Variants in NRG1 observed in about 807,000 individuals in gnomAD.
NRG1 encodes pro-neuregulin-1, membrane-bound isoform.
Under a neutral mutation model 63.8 loss-of-function variants are expected in NRG1, and 18 were observed. That is an observed-to-expected ratio of 0.28 (90% confidence interval 0.19 to 0.42). The LOEUF (loss-of-function observed/expected upper bound fraction) is 0.42. NRG1 is among the 10% of genes least tolerant of loss of function. NRG1 has a pLI of 1.00. For missense variants in NRG1, 762 were observed against 814.7 expected (o/e 0.94, Z 0.79); for synonymous variants, 302 against 301.3 (o/e 1.00, Z -0.02).
intron 1 of NRG1, among the ~76,000 whole-genome samples, chr8:32,133,764 G>A (rs1361074726): frequency 6.6e-6 from 1 of 152,082 alleles, no homozygotes; most frequent in African/African-American, 2.4e-5. Context: ...ATTAAGAAGT[G>A]GAGGCAGCAG....
intron 1 of NRG1, among the ~76,000 whole-genome samples, chr8:32,523,071 C>T (rs1035805153): frequency 1.2e-4 from 19 of 152,098 alleles, no homozygotes; most frequent in Non-Finnish European, 2.5e-4. Context: ...CAAAGAAGTG[C>T]TAGGATTACA....
chr8:32,564,635 G>C (rs1021965012), intron 1 of NRG1, among the ~76,000 whole-genome samples: 5 of 152,148 alleles, frequency 3.3e-5, no homozygotes, highest in African/African-American at 7.2e-5. Context: ...CATACAGTTT[G>C]GTCTAAAACC....
intron 1 of NRG1, among the ~76,000 whole-genome samples, chr8:31,877,872 A>C (rs1366311445): frequency 6.6e-6 from 1 of 152,220 alleles, no homozygotes; most frequent in African/African-American, 2.4e-5. Flanking sequence ...TGAATGACCC[A>C]CTGGATTTTG....
chr8:32,390,983 A>ATGTTTAAGTGAAT (rs1285238456), intron 1 of NRG1, among the ~76,000 whole-genome samples: 8 of 152,212 alleles, frequency 5.3e-5, no homozygotes, highest in African/African-American at 1.9e-4. Flanking sequence ...TTTTAAGTGA[A>ATGTTTAAGTGAAT]ATTGTGATGT....
intron 5 of NRG1, among the ~76,000 whole-genome samples, chr8:32,717,766 G>A (rs1819614488): frequency 6.6e-6 from 1 of 152,074 alleles, no homozygotes; most frequent in Non-Finnish European, 1.5e-5. Flanking sequence ...AAGCTGCATG[G>A]GCGACATTCT....
intron 6 of NRG1, among the ~76,000 whole-genome samples, chr8:32,738,310 C>A (rs1275675132): frequency 6.6e-6 from 1 of 151,760 alleles, no homozygotes; most frequent in African/African-American, 2.4e-5. Flanking sequence ...TGAATTTTCA[C>A]CCCATTAATA....
chr8:32,172,610 G>A (rs1379255529), intron 1 of NRG1, among the ~76,000 whole-genome samples: 2 of 152,116 alleles, frequency 1.3e-5, no homozygotes, highest in Middle Eastern at 3.2e-3. Context: ...TAGATGAATG[G>A]CTAACTAGAA....
intron 1 of NRG1, among the ~76,000 whole-genome samples, chr8:32,579,577 A>T (rs973078427): frequency 3.3e-5 from 5 of 152,138 alleles, no homozygotes; most frequent in African/African-American, 1.2e-4. Flanking sequence ...TATGGAGGTG[A>T]AGTGACATGT....
chr8:32,770,063 T>G (rs1412110811), downstream of NRG1, among the ~76,000 whole-genome samples: 1 of 152,096 alleles, frequency 6.6e-6, no homozygotes, highest in African/African-American at 2.4e-5. Context: ...TTCTAACCCT[T>G]TCCCTTCAAA....
intron 1 of NRG1, among the ~76,000 whole-genome samples, chr8:31,774,367 T>G (rs561762883): frequency 6.6e-6 from 1 of 152,332 alleles, no homozygotes; most frequent in African/African-American, 2.4e-5. Context: ...TCATAATATA[T>G]ATTTATTTGT....
intron 1 of NRG1, among the ~76,000 whole-genome samples, chr8:31,819,009 G>C (rs1035342162): frequency 6.6e-6 from 1 of 152,104 alleles, no homozygotes; most frequent in African/African-American, 2.4e-5. Context: ...AGCCGAGATC[G>C]CGCCACTGCA....
intron 1 of NRG1, among the ~76,000 whole-genome samples, chr8:32,276,806 A>G (rs1852153428): frequency 6.6e-6 from 1 of 152,188 alleles, no homozygotes; most frequent in Non-Finnish European, 1.5e-5. Context: ...AGGGCAAGGG[A>G]GGAAATAGGA....
At chr8:31,998,334 A>T (rs1812363724) in intron 1 of NRG1, among the ~76,000 whole-genome samples, 1 of 152,050 alleles carries the variant, frequency 6.6e-6, no homozygotes, top group Non-Finnish European at 1.5e-5. Flanking sequence ...TGCTGTGCTA[A>T]GTATCTGAAT....
At chr8:32,173,139 C>T (rs1840269388) in intron 1 of NRG1, among the ~76,000 whole-genome samples, 4 of 151,926 alleles carry the variant, frequency 2.6e-5, no homozygotes, top group Admixed American at 2.6e-4. Flanking sequence ...ACAGCTGATC[C>T]TCTCAGCAGA....
intron 1 of NRG1, among the ~76,000 whole-genome samples, chr8:32,053,853 G>A (rs1822395679): frequency 6.6e-6 from 1 of 152,178 alleles, no homozygotes; most frequent in African/African-American, 2.4e-5. Flanking sequence ...CTACATATCT[G>A]TGCTGTTTGT....
At chr8:31,975,841 C>G (rs908979903) in intron 1 of NRG1, among the ~76,000 whole-genome samples, 1 of 152,174 alleles carries the variant, frequency 6.6e-6, no homozygotes, top group African/African-American at 2.4e-5. Flanking sequence ...AAAAGTCTCT[C>G]ATGAGACTAT....
rs111326186 is a variant in NRG1, at chr8:32,489,773, G to A, written c.38-106055G>A. Among the ~76,000 whole-genome samples, 649 of 152,266 alleles carry A rather than the reference G, an allele frequency of 4.3e-3. 8 individuals carry two copies. The highest frequency in any genetic ancestry group is 4.0e-3 in the Non-Finnish European group (273 of 68,010). On this transcript the variant is annotated intron_variant, in intron 1 of 10. Transcript: ENST00000519301. ...CAGTGGAAAATACAGCCAAGTTTTG[G>A]CTCATCCAAAATGTTGTCATCACCG...
chr8:31,886,107 A>C (rs1292747272), intron 1 of NRG1, among the ~76,000 whole-genome samples: 1 of 152,148 alleles, frequency 6.6e-6, no homozygotes, highest in Non-Finnish European at 1.5e-5. Flanking sequence ...AGGATATTAA[A>C]AATTAATCCC....
chr8:31,642,213 A>C (rs1472439519), intron 1 of NRG1, among the ~76,000 whole-genome samples: 1 of 152,232 alleles, frequency 6.6e-6, no homozygotes, highest in Non-Finnish European at 1.5e-5. Context: ...ATCGTACTGC[A>C]GCATATGTTA....
Sources: allele counts gnomAD v4.1 joint callset (sites outside exome capture counted in the v4.1 genomes callset), GRCh38; gene constraint gnomAD v4.1.1; transcripts MANE v1.5; gene names NCBI Gene and HGNC (gene_info 2026-07-23, HGNC 2026-07-21).